Variants in IRAG1 observed in about 807,000 individuals in gnomAD.
IRAG1 encodes inositol 1,4,5-triphosphate receptor associated 1.
IRAG1 carries 62 observed loss-of-function variants against 106.2 expected under a neutral mutation model. That is an observed-to-expected ratio of 0.58 (90% CI 0.48 to 0.72). IRAG1 has a LOEUF of 0.72. Among genes scored for constraint, IRAG1 ranks in the 30% least tolerant of loss-of-function variants. The pLI is 0.00. For missense variants in IRAG1, 1,064 were observed against 1,140.7 expected (o/e 0.93, Z 0.97); for synonymous variants, 462 against 443.9 (o/e 1.04, Z -0.51).
intron 10 of IRAG1, among the ~76,000 whole-genome samples, chr11:10,610,490 G>A (rs1034248539): frequency 5.3e-5 from 8 of 152,294 alleles, no homozygotes; most frequent in South Asian, 4.1e-4. Context: ...AACAAACCAA[G>A]TATTCTCTTT....
At chr11:10,680,387 AGG>A (rs1861103718) in intron 1 of IRAG1, among the ~76,000 whole-genome samples, 1 of 79,992 alleles carries the variant, frequency 1.3e-5, no homozygotes, top group African/African-American at 7.6e-5. Flanking sequence ...GAAGGAAGGA[AGG>A]AAGGAAGGAA....
rs1444493254 is a variant in IRAG1 at position 10,573,260 on chromosome 11, CAT to C, written c.*3070_*3071del. On this transcript the variant is annotated 3_prime_UTR_variant, in exon 21 of 21. Coordinates refer to ENST00000423302, the MANE Select transcript of IRAG1 (RefSeq NM_130385.4). The stretch of plus-strand genomic sequence containing the variant: ...GTCAGGCTGTATATGGGGAGCAACA[CAT>C]ATGGCTTTGTGGCAGCCAGAAAGTG... 1 of 152,218 alleles carries C rather than the reference CAT, an allele frequency of 6.6e-6. No homozygotes were observed. Among genetic ancestry groups the C allele is most frequent in the East Asian group, 1.9e-4 (1 of 5,198 alleles). 9.4% of individuals were successfully genotyped at this position (152,218 alleles called of 1,614,324 possible).
At chr11:10,653,369 T>G (rs1858674988) in intron 1 of IRAG1, among the ~76,000 whole-genome samples, 1 of 152,226 alleles carries the variant, frequency 6.6e-6, no homozygotes, top group Non-Finnish European at 1.5e-5. Context: ...GAAATCACTT[T>G]GTGTTGGGTT....
At position 10,652,179 on chromosome 11, in the gene IRAG1, C is replaced by G. The variant is rs746945329; in HGVS notation, c.71G>C (p.Cys24Ser). The G allele has an allele frequency of 5.6e-5, 91 of 1,613,728 alleles. No homozygotes were observed. The highest frequency in any genetic ancestry group is 7.6e-5 in the Non-Finnish European group (90 of 1,179,856). Residue 24 changes from cysteine (C) to serine (S), a missense_variant, in exon 2 of 21, where the codon TGT becomes TCT. By Grantham distance (112) the Cys-to-Ser change is moderately radical. Transcript: ENST00000423302. ...GATGCTCCAAGAGGCCTGGGCTCCA[C>G]AGGCTGGGGAGATGCCAAAAGGACA... Reference protein sequence around the residue: ...GGKENNSVLACGAQASWSIFG... With the variant: ...GGKENNSVLASGAQASWSIFG...
chr11:10,601,320 G>C (rs2134315658), intron 14 of IRAG1, among the ~76,000 whole-genome samples: 1 of 152,070 alleles, frequency 6.6e-6, no homozygotes, highest in East Asian at 1.9e-4. Flanking sequence ...CAGAGAACGG[G>C]TCAGGGGAGG....
rs537992578 is a variant in IRAG1 at position 10,691,567 on chromosome 11, AC to A, written c.67+1968del. On this transcript the variant is annotated intron_variant, in intron 1 of 20. Transcript: ENST00000423302. ...TTCAAGTAGGTTTCACATGGCCCTA[AC>A]TTCCTCACCCAAGATACTATTTAAA... 4.1e-3 allele frequency among the ~76,000 whole-genome samples: 631 copies of A among 152,196 alleles called. 7 individuals carry two copies. The highest frequency in any genetic ancestry group is 5.4e-3 in the Non-Finnish European group (370 of 67,996).
chr11:10,692,253 C>T (rs976069348), intron 1 of IRAG1, among the ~76,000 whole-genome samples: 5 of 152,010 alleles, frequency 3.3e-5, no homozygotes, highest in African/African-American at 1.2e-4. Context: ...ATGATAATGA[C>T]AACTGTTTTG....
chr11:10,593,449 A>T (rs771804185), intron 17 of IRAG1, 43 bp downstream of exon 17: 3 of 1,547,714 alleles, frequency 1.9e-6, no homozygotes. Flanking sequence ...AGGAAAGGTT[A>T]TTCTACTATT....
intron 18 of IRAG1, among the ~76,000 whole-genome samples, chr11:10,589,807 G>A (rs912999293): frequency 7.9e-5 from 12 of 152,082 alleles, no homozygotes; most frequent in African/African-American, 2.2e-4. Flanking sequence ...ACTATTGATC[G>A]TCACCCATTG....
intron 12 of IRAG1, among the ~76,000 whole-genome samples, chr11:10,604,962 G>A (rs1854353166): frequency 6.6e-6 from 1 of 152,202 alleles, no homozygotes; most frequent in African/African-American, 2.4e-5. Flanking sequence ...TGTATTGAAA[G>A]AAACTCCATG....
At position 10,574,857 on chromosome 11, in the gene IRAG1, T is replaced by C. The variant is rs1262255008; in HGVS notation, c.*1475A>G. 3 of 152,326 alleles carry C rather than the reference T, an allele frequency of 2.0e-5. No homozygotes were observed. The highest frequency in any genetic ancestry group is 3.4e-3 in the Middle Eastern group (1 of 294). 9.4% of individuals were successfully genotyped at this position (152,326 alleles called of 1,614,324 possible). On this transcript the variant is annotated 3_prime_UTR_variant, in exon 21 of 21. Coordinates refer to ENST00000423302, the MANE Select transcript of IRAG1 (RefSeq NM_130385.4). ...GGGGTTGAGCTCCAGCCCCATGATT[T>C]ACTACCGGGGTGTCCTTGTCAAGTT... is the stretch of plus-strand genomic sequence containing the variant.
chr11:10,686,027 A>G (rs1253699629), intron 1 of IRAG1, among the ~76,000 whole-genome samples: 4 of 152,174 alleles, frequency 2.6e-5, no homozygotes, highest in African/African-American at 9.7e-5. Context: ...CCAGGAAGAC[A>G]TTACATTCTT....
intron 10 of IRAG1, among the ~76,000 whole-genome samples, chr11:10,622,436 C>T (rs1370268296): frequency 1.3e-5 from 2 of 152,180 alleles, no homozygotes. Context: ...CACCTCATGG[C>T]ACTATGGTTA....
At position 10,652,013 on chromosome 11, in the gene IRAG1, G is replaced by A. The variant is rs915814869; in HGVS notation, c.225+12C>T. On this transcript the variant is annotated intron_variant, in intron 2 of 20. Coordinates refer to ENST00000423302, the MANE Select transcript of IRAG1 (RefSeq NM_130385.4). Reference sequence around the variant, plus strand: ...CAGCCAGGCTAGCTGAGGGCAGGGAGGGGGCACTTACTTGGCCGGCAGGGC... The same window carrying A: ...CAGCCAGGCTAGCTGAGGGCAGGGAAGGGGCACTTACTTGGCCGGCAGGGC... 1.3e-5 allele frequency: 20 copies of A among 1,555,256 alleles called. No individual in the cohort carries two copies. The highest frequency in any genetic ancestry group is 2.7e-5 in the African/African-American group (2 of 73,712).
chr11:10,684,248 A>T (rs1204241395), intron 1 of IRAG1, among the ~76,000 whole-genome samples: 1 of 152,224 alleles, frequency 6.6e-6, no homozygotes, highest in Non-Finnish European at 1.5e-5. Flanking sequence ...AAAATGTGGC[A>T]CATATACACC....
At chr11:10,651,039 G>A (rs549247010) in intron 2 of IRAG1, among the ~76,000 whole-genome samples, 35 of 152,218 alleles carry the variant, frequency 2.3e-4, no homozygotes, top group African/African-American at 7.0e-4. Context: ...CTTAAAAAGC[G>A]TCTATCCCAC....
At chr11:10,600,822 A>C (rs1225934338) in intron 15 of IRAG1, 96 bp downstream of exon 15, 14 of 1,492,336 alleles carry the variant, frequency 9.4e-6, no homozygotes, top group Middle Eastern at 3.6e-4. Flanking sequence ...AACTGGAAAT[A>C]AGTCCTGGGG....
In IRAG1 at chr11:10,626,531, G is replaced by A; in HGVS notation, c.803C>T (p.Ser268Phe). The A allele has an allele frequency of 6.2e-7, 1 of 1,613,296 alleles. No individual in the cohort carries two copies. The highest frequency in any genetic ancestry group is 8.5e-7 in the Non-Finnish European group (1 of 1,179,540). Residue 268 changes from serine (S) to phenylalanine (F), a missense_variant, in exon 9 of 21, where the codon TCT becomes TTT. Coordinates refer to ENST00000423302, the MANE Select transcript of IRAG1 (RefSeq NM_130385.4). The part of the protein sequence containing the change: ...DRKQNDQRKV[S>F]QGRLAPRPPP... ...AGGACGAGGAGCCAGCCTGCCCTGAGACACTTTCCTCTGGTCATTCTGCTT... is the reference window on the plus strand; with the variant it reads ...AGGACGAGGAGCCAGCCTGCCCTGAAACACTTTCCTCTGGTCATTCTGCTT...
intron 1 of IRAG1, among the ~76,000 whole-genome samples, chr11:10,689,734 A>G (rs923086056): frequency 5.9e-5 from 9 of 152,384 alleles, no homozygotes; most frequent in Admixed American, 5.2e-4. Flanking sequence ...AAAAAGGATT[A>G]TATTAGAATG....
Sources: gnomAD v4.1 joint callset for allele counts (sites outside exome capture counted in the v4.1 genomes callset) on GRCh38, gnomAD v4.1.1 for gene constraint, MANE v1.5 for transcripts, NCBI Gene and HGNC (gene_info 2026-07-23, HGNC 2026-07-21) for gene names.